The following OR2L13 variants were observed in gnomAD, a reference collection of about 807,000 sequenced individuals.
The protein encoded by OR2L13 is olfactory receptor family 2 subfamily L member 13, also known as olfactory receptor 2L13.
In OR2L13, 14 loss-of-function variants were observed where a neutral mutation model predicts 15.3. The ratio of observed to expected loss-of-function variants is 0.91; its 90% CI spans 0.60 to 1.43. The LOEUF (loss-of-function observed/expected upper bound fraction) is 1.43. Among genes scored for constraint, OR2L13 ranks in the 40% most tolerant of loss-of-function variants. OR2L13 has a pLI of 0.00. For synonymous variants in OR2L13, 152 were observed against 142.9 expected (o/e 1.06, Z -0.45); for missense variants, 367 against 387.9 (o/e 0.95, Z 0.45).
chr1:248,038,219 C>T, the OR2L13 span: 11 of 1,318,274 alleles, frequency 8.3e-6, no homozygotes, highest in Non-Finnish European at 1.2e-5. Flanking sequence ...AATTACTGTT[C>T]TTAATTTACC....
chr1:247,980,566 C>T, the OR2L13 span, among the ~76,000 whole-genome samples: 1 of 152,248 alleles, frequency 6.6e-6, no homozygotes, highest in South Asian at 2.1e-4. Context: ...AGTGAGTTTA[C>T]CTTTGACGTG....
chr1:248,000,946 CCTTTT>C, the OR2L13 span, among the ~76,000 whole-genome samples: 7 of 151,198 alleles, frequency 4.6e-5, no homozygotes, highest in South Asian at 1.3e-3. Context: ...TTTTTCTTTT[CCTTTT>C]GTTTTGGGTG....
chr1:247,974,289 G>C, the OR2L13 span, among the ~76,000 whole-genome samples: 1 of 152,064 alleles, frequency 6.6e-6, no homozygotes, highest in Non-Finnish European at 1.5e-5. Context: ...CAAGAGGAGG[G>C]ATAGCATTAG....
At chr1:248,067,673 G>A in the OR2L13 span, among the ~76,000 whole-genome samples, 3 of 152,222 alleles carry the variant, frequency 2.0e-5, no homozygotes, top group South Asian at 2.1e-4. Flanking sequence ...CACCGTGTGC[G>A]AGCCGAAGCA....
At chr1:248,018,191 A>G in the OR2L13 span, among the ~76,000 whole-genome samples, 1 of 151,888 alleles carries the variant, frequency 6.6e-6, no homozygotes, top group African/African-American at 2.4e-5. Context: ...TTTCTTTTTT[A>G]AAAATGAGGT....
the OR2L13 span, chr1:248,038,251 G>T: frequency 1.3e-4 from 203 of 1,546,802 alleles, no homozygotes; most frequent in Non-Finnish European, 1.6e-4. Flanking sequence ...CTTCAGGATG[G>T]ATTGTAGGAA....
chr1:248,029,077 C>T, the OR2L13 span: 1 of 152,180 alleles, frequency 6.6e-6, no homozygotes, highest in Non-Finnish European at 1.5e-5. Flanking sequence ...ACTACCCCGA[C>T]TGGATCATTA....
the OR2L13 span, chr1:247,997,121 A>G: frequency 6.6e-6 from 1 of 152,202 alleles, no homozygotes; most frequent in Admixed American, 6.5e-5. Context: ...TATAAATAAA[A>G]ATACATATCA....
At chr1:247,994,354 T>C in the OR2L13 span, among the ~76,000 whole-genome samples, 6 of 151,952 alleles carry the variant, frequency 3.9e-5, no homozygotes, top group Non-Finnish European at 7.4e-5. Flanking sequence ...CTGATATCGC[T>C]CCACTGCACT....
At position 248,099,634 on chromosome 1, in the gene OR2L13, G is replaced by A. The variant is rs377126567; in HGVS notation, c.259G>A (p.Gly87Ser). ...CAAGATGGCGTACAACTTCCTGTCCGGCCAGAAAGGCATCTCCTTCCTGGG... is the reference window on the plus strand; with the variant it reads ...CAAGATGGCGTACAACTTCCTGTCCAGCCAGAAAGGCATCTCCTTCCTGGG... The change falls in exon 3 of 3, where the codon GGC (glycine) becomes AGC (serine). Residue 87 changes from glycine (G) to serine (S), a missense_variant. Physicochemically the swap from Gly to Ser is moderately conservative, Grantham distance 56. Transcript: ENST00000641714. The A allele has an allele frequency of 1.1e-5, 17 of 1,613,970 alleles. No individual in the cohort carries two copies. The highest frequency in any genetic ancestry group is 1.2e-5 in the Non-Finnish European group (14 of 1,179,974).
chr1:248,063,410 A>C, the OR2L13 span: 1 of 152,252 alleles, frequency 6.6e-6, no homozygotes, highest in Non-Finnish European at 1.5e-5. Flanking sequence ...GTTAAAACAT[A>C]AATTTTGAAC....
chr1:247,938,914 A>G, the OR2L13 span: 34 of 152,224 alleles, frequency 2.2e-4, no homozygotes, highest in Non-Finnish European at 4.6e-4. Context: ...GTGGAGATAC[A>G]CATAGTCTTT....
At chr1:248,060,664 A>G in the OR2L13 span, 53 of 1,590,084 alleles carry the variant, frequency 3.3e-5, no homozygotes, top group Middle Eastern at 1.5e-3. Context: ...CCTTCAGGAA[A>G]GAGCACACGA....
chr1:248,014,266 G>A, the OR2L13 span, among the ~76,000 whole-genome samples: 178 of 152,156 alleles, frequency 1.2e-3, no homozygotes, highest in Non-Finnish European at 2.2e-3. Flanking sequence ...GTATTAGGAG[G>A]CCATTAAAGT....
the OR2L13 span, chr1:248,046,955 C>G: frequency 6.6e-6 from 1 of 152,110 alleles, no homozygotes; most frequent in Non-Finnish European, 1.5e-5. Context: ...GCTTAAGAGA[C>G]CTTTTTTCAG....
the OR2L13 span, among the ~76,000 whole-genome samples, chr1:248,072,081 C>T: frequency 1.3e-5 from 2 of 151,354 alleles, no homozygotes; most frequent in African/African-American, 2.4e-5. Flanking sequence ...CAATGCCATC[C>T]CCATCAAGCT....
At chr1:248,017,026 T>G in the OR2L13 span, among the ~76,000 whole-genome samples, 1 of 152,212 alleles carries the variant, frequency 6.6e-6, no homozygotes, top group East Asian at 1.9e-4. Flanking sequence ...GTTCCTTTCA[T>G]GTATGATGCC....
the OR2L13 span, among the ~76,000 whole-genome samples, chr1:247,999,425 T>C: frequency 2.6e-5 from 4 of 152,034 alleles, no homozygotes; most frequent in Non-Finnish European, 4.4e-5. Flanking sequence ...GAAGCACACA[T>C]GCACACAAGC....
the OR2L13 span, among the ~76,000 whole-genome samples, chr1:247,957,171 C>G: frequency 6.6e-6 from 1 of 151,756 alleles, no homozygotes; most frequent in African/African-American, 2.4e-5. Context: ...TGAATTTTGT[C>G]GAAGGCCTTT....
Sources: allele counts gnomAD v4.1 joint callset (sites outside exome capture counted in the v4.1 genomes callset), GRCh38; gene constraint gnomAD v4.1.1; transcripts MANE v1.5; gene names NCBI Gene and HGNC (gene_info 2026-07-23, HGNC 2026-07-21).